The following KCNIP4 variants were observed in gnomAD, a reference collection of about 807,000 sequenced individuals.
KCNIP4 encodes potassium voltage-gated channel interacting protein 4, also known as Kv channel-interacting protein 4.
In KCNIP4, 12 loss-of-function variants were observed where a neutral mutation model predicts 34.0. The ratio of observed to expected loss-of-function variants is 0.35; its 90% CI spans 0.23 to 0.57. The LOEUF is 0.57. KCNIP4 is among the 20% of genes least tolerant of loss of function. The pLI, the probability that KCNIP4 is intolerant of heterozygous loss-of-function variation, is 0.83. For synonymous variants in KCNIP4, 124 were observed against 102.2 expected, an observed-to-expected ratio of 1.21 and a Z score of -1.29; for missense variants, 238 against 311.7, an observed-to-expected ratio of 0.76 and a Z score of 1.78.
chr4:21,692,950 T>C (rs1213383368), intron 1 of KCNIP4, among the ~76,000 whole-genome samples: 1 of 150,206 alleles, frequency 6.7e-6, no homozygotes, highest in African/African-American at 2.4e-5. Flanking sequence ...TAAATGTGGC[T>C]GGGCTGGGGG....
chr4:21,559,206 C>T (rs1475468862), intron 1 of KCNIP4, among the ~76,000 whole-genome samples: 1 of 152,076 alleles, frequency 6.6e-6, no homozygotes, highest in Non-Finnish European at 1.5e-5. Flanking sequence ...ACCACATAAT[C>T]ATCAGCAAAT....
At chr4:21,782,092 C>G (rs1348500012) in intron 1 of KCNIP4, among the ~76,000 whole-genome samples, 1 of 152,026 alleles carries the variant, frequency 6.6e-6, no homozygotes, top group Admixed American at 6.6e-5. Context: ...GACTTAAGCA[C>G]TAACAAGCAT....
intron 1 of KCNIP4, among the ~76,000 whole-genome samples, chr4:21,262,136 G>A (rs1214259065): frequency 6.6e-6 from 1 of 152,036 alleles, no homozygotes; most frequent in Non-Finnish European, 1.5e-5. Flanking sequence ...CCCATAAACA[G>A]TTCCTTTTTA....
intron 1 of KCNIP4, among the ~76,000 whole-genome samples, chr4:21,514,338 G>A (rs1368366845): frequency 1.3e-5 from 2 of 152,104 alleles, no homozygotes; most frequent in Non-Finnish European, 2.9e-5. Context: ...GCAGAGAAAA[G>A]CATAGTGTCA....
At chr4:21,332,751 A>C (rs1287408293) in intron 1 of KCNIP4, among the ~76,000 whole-genome samples, 1 of 152,052 alleles carries the variant, frequency 6.6e-6, no homozygotes, top group Non-Finnish European at 1.5e-5. Flanking sequence ...AAACAACTTC[A>C]TATCTGTCCT....
intron 1 of KCNIP4, among the ~76,000 whole-genome samples, chr4:21,233,976 CAT>C (rs1415282546): frequency 1.5e-5 from 2 of 134,290 alleles, no homozygotes; most frequent in Non-Finnish European, 3.1e-5. Context: ...TATTATATAA[CAT>C]ATATAACATA....
At chr4:20,945,123 A>G (rs963431647) in intron 1 of KCNIP4, among the ~76,000 whole-genome samples, 5 of 152,180 alleles carry the variant, frequency 3.3e-5, no homozygotes, top group African/African-American at 9.7e-5. Context: ...TTGATGAACC[A>G]GCAGCTTGGA....
In KCNIP4 at chr4:21,493,742, G is replaced by T. The variant is rs1314737946; in HGVS notation, c.61+454829C>A. 2.6e-5 allele frequency among the ~76,000 whole-genome samples: 4 copies of T among 152,150 alleles called. No homozygotes were observed. In the East Asian group the frequency reaches 7.7e-4, roughly 29 times the overall value. On this transcript the variant is annotated intron_variant, in intron 1 of 8. Transcript: ENST00000382152. Reference sequence around the variant, plus strand: ...CCAATCTACAGAGGGCAGGAGAAAGGCCAAGGGTCTGCCTCAGTAGATCTA... The same window carrying T: ...CCAATCTACAGAGGGCAGGAGAAAGTCCAAGGGTCTGCCTCAGTAGATCTA...
At chr4:20,821,679 G>C (rs1717125498) in intron 3 of KCNIP4, among the ~76,000 whole-genome samples, 1 of 151,468 alleles carries the variant, frequency 6.6e-6, no homozygotes, top group Admixed American at 6.6e-5. Flanking sequence ...TATCACTCTT[G>C]TGCCTTTGCC....
At chr4:21,175,134 T>C (rs1754309901) in intron 1 of KCNIP4, among the ~76,000 whole-genome samples, 1 of 98,786 alleles carries the variant, frequency 1.0e-5, no homozygotes, top group South Asian at 2.6e-4. Context: ...TTAGATAATT[T>C]ACTTAAAAAA....
chr4:20,742,722 A>G (rs1292550152), intron 5 of KCNIP4, among the ~76,000 whole-genome samples: 2 of 152,184 alleles, frequency 1.3e-5, no homozygotes, highest in Non-Finnish European at 2.9e-5. Context: ...CAGGGCAATC[A>G]GGCAGGAGAA....
At chr4:21,490,911 G>C (rs946631452) in intron 1 of KCNIP4, among the ~76,000 whole-genome samples, 5 of 152,068 alleles carry the variant, frequency 3.3e-5, no homozygotes, top group Non-Finnish European at 4.4e-5. Flanking sequence ...TCCTCTTTGA[G>C]GAGGTAATAA....
chr4:21,459,891 T>C (rs1442955194), intron 1 of KCNIP4, among the ~76,000 whole-genome samples: 2 of 151,948 alleles, frequency 1.3e-5, no homozygotes, highest in Non-Finnish European at 2.9e-5. Flanking sequence ...CTTGTTCATC[T>C]CAAGCTTAAA....
intron 1 of KCNIP4, among the ~76,000 whole-genome samples, chr4:21,777,680 C>T (rs1047462507): frequency 1.3e-5 from 2 of 152,192 alleles, no homozygotes; most frequent in Non-Finnish European, 2.9e-5. Flanking sequence ...CTACCACTAG[C>T]ACATGACTGA....
At position 21,153,842 on chromosome 4, in the gene KCNIP4, T is replaced by A. The variant is rs564004863; in HGVS notation, c.62-271133A>T. ...AAGGTACAAAATCACACATCATGAG[T>A]TCTTTCATCAGGTATATCCACTCAG... On this transcript the variant is annotated intron_variant, in intron 1 of 8. Transcript: ENST00000382152. Among the ~76,000 whole-genome samples, 298 of 151,904 alleles carry A rather than the reference T, an allele frequency of 2.0e-3. 1 individual carries two copies. The highest frequency in any genetic ancestry group is 6.9e-3 in the African/African-American group (287 of 41,432).
At chr4:21,364,287 G>A (rs1719506715) in intron 1 of KCNIP4, among the ~76,000 whole-genome samples, 1 of 152,112 alleles carries the variant, frequency 6.6e-6, no homozygotes, top group South Asian at 2.1e-4. Context: ...TTATTGAGCA[G>A]ATATTTATTG....
intron 1 of KCNIP4, among the ~76,000 whole-genome samples, chr4:21,215,723 T>C (rs189203265): frequency 6.6e-6 from 1 of 152,342 alleles, no homozygotes. Context: ...CCTTGAGGAA[T>C]CACATTTTAC....
intron 1 of KCNIP4, among the ~76,000 whole-genome samples, chr4:21,305,651 T>C (rs909049705): frequency 2.3e-4 from 35 of 152,212 alleles, no homozygotes; most frequent in African/African-American, 8.2e-4. Flanking sequence ...CGTGATCCGG[T>C]ACCTCCTTGA....
intron 1 of KCNIP4, among the ~76,000 whole-genome samples, chr4:21,034,847 G>A (rs901410427): frequency 2.0e-5 from 3 of 152,262 alleles, no homozygotes; most frequent in South Asian, 2.1e-4. Context: ...GTTAGGTAAC[G>A]TGGTGCTTTC....
Sources: allele counts gnomAD v4.1 joint callset (sites outside exome capture counted in the v4.1 genomes callset), GRCh38; gene constraint gnomAD v4.1.1; transcripts MANE v1.5; gene names NCBI Gene and HGNC (gene_info 2026-07-23, HGNC 2026-07-21).